The following GRM8 variants were observed in gnomAD, a reference collection of about 807,000 sequenced individuals.
The protein encoded by GRM8 is metabotropic glutamate receptor 8.
Under a neutral mutation model 87.2 loss-of-function variants are expected in GRM8, and 47 were observed. That is an observed-to-expected ratio of 0.54 (90% CI 0.43 to 0.69). The LOEUF is 0.69. Ranked by LOEUF, GRM8 falls within the 30% of genes least tolerant of loss-of-function variation. The probability of loss-of-function intolerance (pLI) is 0.00; values close to 1 mark genes in which losing one functional copy is unlikely to be tolerated. For missense variants in GRM8, 1,019 were observed against 1,139.2 expected (o/e 0.89, Z 1.52); for synonymous variants, 396 against 404.5 (o/e 0.98, Z 0.25).
intron 9 of GRM8, among the ~76,000 whole-genome samples, chr7:126,520,818 G>A (rs1441031604): frequency 6.6e-6 from 1 of 152,092 alleles, no homozygotes; most frequent in African/African-American, 2.4e-5. Flanking sequence ...TCTACTCATT[G>A]CCAGTCTTCT....
chr7:126,529,566 T>G (rs906071073), intron 9 of GRM8, among the ~76,000 whole-genome samples: 1 of 152,230 alleles, frequency 6.6e-6, no homozygotes, highest in African/African-American at 2.4e-5. Context: ...TCTTTTCTTT[T>G]CTTTTTTTGC....
chr7:127,061,576 T>C (rs1396977401), intron 3 of GRM8, among the ~76,000 whole-genome samples: 1 of 152,178 alleles, frequency 6.6e-6, no homozygotes, highest in Admixed American at 6.5e-5. Flanking sequence ...CAGCAGAATA[T>C]TCATCTCCAC....
At chr7:126,931,650 T>C (rs571715929) in intron 3 of GRM8, among the ~76,000 whole-genome samples, 48 of 152,158 alleles carry the variant, frequency 3.2e-4, no homozygotes, top group Non-Finnish European at 5.9e-4. Context: ...ACAATGTAAA[T>C]ATGTCTTTAT....
At chr7:126,564,740 C>T (rs1397892625) in intron 8 of GRM8, among the ~76,000 whole-genome samples, 2 of 152,110 alleles carry the variant, frequency 1.3e-5, no homozygotes, top group African/African-American at 2.4e-5. Context: ...TTGAGGCCAG[C>T]ATTACCCTCA....
chr7:127,145,932 G>C (rs769600948), intron 2 of GRM8, among the ~76,000 whole-genome samples: 9 of 152,056 alleles, frequency 5.9e-5, no homozygotes, highest in Non-Finnish European at 1.0e-4. Flanking sequence ...TAAAAAAGCA[G>C]TATCTGTAAG....
intron 7 of GRM8, among the ~76,000 whole-genome samples, chr7:126,688,739 GACACACACACAC>G (rs3831573): frequency 4.1e-5 from 6 of 145,720 alleles, no homozygotes; most frequent in Non-Finnish European, 9.1e-5. Flanking sequence ...CTCTCTTTCT[GACACACACACAC>G]ACACACACAC....
At chr7:126,561,872 C>A (rs1272627456) in intron 8 of GRM8, among the ~76,000 whole-genome samples, 2 of 64,610 alleles carry the variant, frequency 3.1e-5, no homozygotes, top group Admixed American at 1.4e-4. Flanking sequence ...TGAGAACATG[C>A]GGTGTTTGGT....
At chr7:126,742,094 G>A (rs1032726137) in intron 7 of GRM8, among the ~76,000 whole-genome samples, 1 of 151,818 alleles carries the variant, frequency 6.6e-6, no homozygotes, top group African/African-American at 2.4e-5. Flanking sequence ...TTTCATACCT[G>A]CAAACCCTGT....
At chr7:127,247,770 G>T (rs74339268) in intron 1 of GRM8, among the ~76,000 whole-genome samples, 1,560 of 152,250 alleles carry the variant, frequency 0.01, 25 homozygotes, top group African/African-American at 0.036. Context: ...GTGTCTTCCA[G>T]CTTCCTATTC....
chr7:126,691,888 T>C (rs974556951), intron 7 of GRM8, among the ~76,000 whole-genome samples: 1 of 152,210 alleles, frequency 6.6e-6, no homozygotes, highest in Admixed American at 6.5e-5. Context: ...TTAATCCTGG[T>C]AGACTACCTA....
At chr7:127,150,756 GA>G (rs2133312697) in intron 2 of GRM8, among the ~76,000 whole-genome samples, 2 of 152,154 alleles carry the variant, frequency 1.3e-5, no homozygotes, top group South Asian at 4.2e-4. Flanking sequence ...TCTGTTCAAG[GA>G]GAGTAGAGTC....
At chr7:126,970,644 G>GAGT (rs1246819265) in intron 3 of GRM8, among the ~76,000 whole-genome samples, 1 of 152,138 alleles carries the variant, frequency 6.6e-6, no homozygotes, top group Admixed American at 6.6e-5. Flanking sequence ...GTGTTCACTG[G>GAGT]AGTAGCATTT....
intron 2 of GRM8, among the ~76,000 whole-genome samples, chr7:127,221,340 G>A (rs1310302120): frequency 2.0e-5 from 3 of 152,248 alleles, no homozygotes; most frequent in South Asian, 2.1e-4. Flanking sequence ...AGACCCCGTT[G>A]AGCCCTGCCC....
chr7:126,988,229 G>A (rs1026779798), intron 3 of GRM8, among the ~76,000 whole-genome samples: 10 of 152,316 alleles, frequency 6.6e-5, no homozygotes, highest in East Asian at 1.9e-4. Context: ...AATGACGTGC[G>A]TCATTTTGTG....
intron 7 of GRM8, among the ~76,000 whole-genome samples, chr7:126,656,494 T>C (rs552310667): frequency 2.0e-5 from 3 of 151,722 alleles, no homozygotes; most frequent in East Asian, 1.9e-4. Context: ...CTGACCAACA[T>C]GGTTTCTACT....
chr7:126,887,969 C>T (rs1257078483), intron 6 of GRM8, among the ~76,000 whole-genome samples: 1 of 152,058 alleles, frequency 6.6e-6, no homozygotes, highest in East Asian at 1.9e-4. Flanking sequence ...TGCCAGAATC[C>T]AAGGAGGCTG....
intron 1 of GRM8, among the ~76,000 whole-genome samples, chr7:127,247,565 G>A (rs1032049322): frequency 1.3e-5 from 2 of 152,080 alleles, no homozygotes; most frequent in African/African-American, 4.8e-5. Context: ...GCTGCAATAT[G>A]TGTGCATGTC....
chr7:126,550,749 T>C (rs1167530876), intron 8 of GRM8, among the ~76,000 whole-genome samples: 1 of 151,830 alleles, frequency 6.6e-6, no homozygotes, highest in Non-Finnish European at 1.5e-5. Flanking sequence ...AACTTAGTAT[T>C]AATTATAGAG....
rs145542589 is a variant in GRM8, at chr7:126,703,511, G to A, written c.1357+66354C>T. 1.1e-4 allele frequency among the ~76,000 whole-genome samples: 16 copies of A among 152,252 alleles called. No homozygotes were observed. The East Asian group carries it at 1.9e-3, about 18-fold the overall frequency. On this transcript the variant is annotated intron_variant, in intron 7 of 10. Transcript: ENST00000339582. ...CTAAACCAGGTCCTAGGGTCAAGAC[G>A]TTTTAACATAAGAGTCAGAAACAAA...
Sources: allele counts gnomAD v4.1 joint callset (sites outside exome capture counted in the v4.1 genomes callset), GRCh38; gene constraint gnomAD v4.1.1; transcripts MANE v1.5; gene names NCBI Gene and HGNC (gene_info 2026-07-23, HGNC 2026-07-21).